Variants in WWOX observed in about 807,000 individuals in gnomAD.
WWOX encodes the protein WW domain containing oxidoreductase.
A neutral mutation model predicts 46.2 loss-of-function variants in WWOX; 69 were observed. The ratio of observed to expected loss-of-function variants is 1.49; its 90% CI spans 1.23 to 1.82. The LOEUF (loss-of-function observed/expected upper bound fraction) is 1.82. Ranked by LOEUF, WWOX falls within the 40% of genes most tolerant of loss-of-function variation. WWOX has a pLI of 0.00. For synonymous variants in WWOX, 359 were observed against 202.6 expected, an observed-to-expected ratio of 1.77 and a Z score of -6.56; for missense variants, 919 against 542.6, an observed-to-expected ratio of 1.69 and a Z score of -6.89.
chr16:78,108,594 G>C, intron 2 of WWOX, 107 bp downstream of exon 2: 3 of 1,255,512 alleles, frequency 2.4e-6, no homozygotes, highest in South Asian at 1.2e-5. Context: ...AGGGCTCTCT[G>C]GTAGAGAACC....
At chr16:79,186,455 T>C (rs2150797269) in intron 8 of WWOX, among the ~76,000 whole-genome samples, 1 of 152,302 alleles carries the variant, frequency 6.6e-6, no homozygotes, top group South Asian at 2.1e-4. Flanking sequence ...TCCCACGGCC[T>C]TCTCCCTGTG....
chr16:78,547,796 G>C (rs1031776217), intron 8 of WWOX, among the ~76,000 whole-genome samples: 1 of 151,924 alleles, frequency 6.6e-6, no homozygotes, highest in African/African-American at 2.4e-5. Flanking sequence ...TGAAGGCTTT[G>C]CCTCAATGAC....
At chr16:78,812,085 A>T (rs959176472) in intron 8 of WWOX, among the ~76,000 whole-genome samples, 5 of 152,094 alleles carry the variant, frequency 3.3e-5, no homozygotes, top group Non-Finnish European at 7.4e-5. Flanking sequence ...ATCAAGTCTC[A>T]TTCTCTTTTG....
intron 5 of WWOX, among the ~76,000 whole-genome samples, chr16:78,300,009 G>A (rs1272775588): frequency 1.3e-5 from 2 of 152,154 alleles, no homozygotes; most frequent in Non-Finnish European, 2.9e-5. Context: ...TGTAACAGCT[G>A]CCTACAAGGG....
intron 8 of WWOX, among the ~76,000 whole-genome samples, chr16:78,532,499 T>C (rs916452156): frequency 1.3e-5 from 2 of 152,184 alleles, no homozygotes; most frequent in Non-Finnish European, 2.9e-5. Context: ...AGGGTGTTGA[T>C]AAGAAACAGC....
intron 5 of WWOX, among the ~76,000 whole-genome samples, chr16:78,194,463 C>G (rs2035983898): frequency 6.6e-6 from 1 of 151,342 alleles, no homozygotes; most frequent in Non-Finnish European, 1.5e-5. Context: ...TGGTGGGCAC[C>G]TGTATTCCCA....
chr16:78,782,172 C>A (rs1316197928), intron 8 of WWOX, among the ~76,000 whole-genome samples: 1 of 152,148 alleles, frequency 6.6e-6, no homozygotes, highest in Admixed American at 6.5e-5. Context: ...CTTGCCATCA[C>A]CTTCACCCTG....
chr16:78,515,660 C>G (rs74467173), intron 8 of WWOX, among the ~76,000 whole-genome samples: 2 of 152,206 alleles, frequency 1.3e-5, no homozygotes, highest in Middle Eastern at 3.2e-3. Flanking sequence ...TCTTGCCGGC[C>G]TCTCCTCGCA....
At position 78,152,194 on chromosome 16, in the gene WWOX, G is replaced by GAA. The variant is rs11421726; in HGVS notation, c.410-11976_410-11975dup. On this transcript the variant is annotated intron_variant, in intron 4 of 8. Coordinates refer to ENST00000566780, the MANE Select transcript of WWOX (RefSeq NM_016373.4). Reference sequence around the variant, plus strand: ...GACAGAGCGAGACTCCGTCTCAAGAGAAAAAAAAAAAAAATTATAACATGG... The same window carrying GAA: ...GACAGAGCGAGACTCCGTCTCAAGAGAAAAAAAAAAAAAAAATTATAACATGG... 6.9e-3 allele frequency among the ~76,000 whole-genome samples: 990 copies of GAA among 144,486 alleles called. 6 individuals are homozygous for GAA. The highest frequency in any genetic ancestry group is 0.035 in the Middle Eastern group (10 of 282). The allele number at this position is 144,486 out of a possible 152,430, so 94.8% of individuals were successfully genotyped here.
At chr16:78,234,333 T>A (rs9941029) in intron 5 of WWOX, among the ~76,000 whole-genome samples, 80,556 of 151,892 alleles carry the variant, frequency 0.53, 21,771 homozygotes, top group Admixed American at 0.68. Flanking sequence ...TCCTCCCTGT[T>A]ATTACAATGC....
chr16:78,285,814 T>G (rs2079757135), intron 5 of WWOX, among the ~76,000 whole-genome samples: 1 of 152,174 alleles, frequency 6.6e-6, no homozygotes, highest in Non-Finnish European at 1.5e-5. Context: ...GCCTGTAATG[T>G]TCCTCACCCA....
Position 78,484,829 on chromosome 16 carries a change from G to T in WWOX, c.1056+52077G>T, listed in dbSNP as rs941747582. ...CGAGGTTCTGGAAGATGGGTGGGGT[G>T]GGGGGAAGCGAATGTGAAGTGCCAT... is the stretch of plus-strand genomic sequence containing the variant. On this transcript the variant is annotated intron_variant, in intron 8 of 8. Transcript: ENST00000566780. Among the ~76,000 whole-genome samples the T allele has an allele frequency of 2.6e-5, 4 of 152,270 alleles. No homozygotes were observed. In the Middle Eastern group the frequency reaches 0.014, roughly 518 times the overall value.
intron 8 of WWOX, among the ~76,000 whole-genome samples, chr16:78,664,732 A>G (rs931213251): frequency 2.0e-5 from 3 of 152,208 alleles, no homozygotes; most frequent in African/African-American, 7.2e-5. Context: ...TACTCCCTGA[A>G]TTAGGCTCCT....
intron 5 of WWOX, among the ~76,000 whole-genome samples, chr16:78,184,976 A>T (rs1033226165): frequency 6.6e-6 from 1 of 152,124 alleles, no homozygotes; most frequent in Non-Finnish European, 1.5e-5. Context: ...TGAGATGGGG[A>T]TCTCACTCAG....
At chr16:78,968,726 A>C (rs902875496) in intron 8 of WWOX, among the ~76,000 whole-genome samples, 2 of 152,044 alleles carry the variant, frequency 1.3e-5, no homozygotes, top group Non-Finnish European at 2.9e-5. Flanking sequence ...TTCTTTTTGA[A>C]ACCATGCTCA....
At chr16:78,829,391 G>T (rs747665294) in intron 8 of WWOX, among the ~76,000 whole-genome samples, 1 of 152,142 alleles carries the variant, frequency 6.6e-6, no homozygotes, top group Non-Finnish European at 1.5e-5. Flanking sequence ...GCCTTCAACA[G>T]ATTAGATGAG....
chr16:78,497,580 A>G (rs1359164195), intron 8 of WWOX, among the ~76,000 whole-genome samples: 2 of 152,234 alleles, frequency 1.3e-5, no homozygotes, highest in African/African-American at 4.8e-5. Flanking sequence ...AGGGGTTAAT[A>G]TTCAAAATGT....
At chr16:78,381,775 G>A (rs1196754565) in intron 5 of WWOX, among the ~76,000 whole-genome samples, 1 of 152,176 alleles carries the variant, frequency 6.6e-6, no homozygotes, top group Non-Finnish European at 1.5e-5. Flanking sequence ...GAATGGATAG[G>A]TAGGTGGGAA....
intron 8 of WWOX, among the ~76,000 whole-genome samples, chr16:79,062,942 C>G (rs937852125): frequency 3.3e-5 from 5 of 152,226 alleles, no homozygotes; most frequent in Non-Finnish European, 7.3e-5. Flanking sequence ...AGGTCAATTA[C>G]CCACCCAAAT....
Sources: allele counts gnomAD v4.1 joint callset (sites outside exome capture counted in the v4.1 genomes callset), GRCh38; gene constraint gnomAD v4.1.1; transcripts MANE v1.5; gene names NCBI Gene and HGNC (gene_info 2026-07-23, HGNC 2026-07-21).